Variants in GLIS3 observed in about 807,000 individuals in gnomAD.
GLIS3 encodes GLIS family zinc finger 3, also known as zinc finger protein GLIS3.
Under a neutral mutation model 78.6 loss-of-function variants are expected in GLIS3, and 53 were observed. That is an observed-to-expected ratio of 0.67 (90% confidence interval 0.54 to 0.85). The LOEUF (loss-of-function observed/expected upper bound fraction) is 0.85, where lower values mean the gene tolerates loss of function less well. Among genes scored for constraint, GLIS3 ranks in the 40% least tolerant of loss-of-function variants. The probability of loss-of-function intolerance (pLI) is 0.00; values close to 1 mark genes in which losing one functional copy is unlikely to be tolerated. For missense variants in GLIS3, 1,703 were observed against 1,231.1 expected, an observed-to-expected ratio of 1.38 and a Z score of -5.74; for synonymous variants, 684 against 509.9, an observed-to-expected ratio of 1.34 and a Z score of -4.60.
intron 2 of GLIS3, among the ~76,000 whole-genome samples, chr9:4,236,795 C>T (rs1822791861): frequency 6.6e-6 from 1 of 152,126 alleles, no homozygotes; most frequent in Non-Finnish European, 1.5e-5. Flanking sequence ...TTTTTAGGCC[C>T]CAAATCTATT....
At chr9:4,298,056 G>C (rs958046972) in intron 1 of GLIS3, among the ~76,000 whole-genome samples, 2 of 152,142 alleles carry the variant, frequency 1.3e-5, no homozygotes, top group African/African-American at 4.8e-5. Flanking sequence ...GCGAGCGAGG[G>C]AGCGAACGCA....
At chr9:4,185,148 C>A (rs1200964833) in intron 2 of GLIS3, among the ~76,000 whole-genome samples, 1 of 152,168 alleles carries the variant, frequency 6.6e-6, no homozygotes, top group Non-Finnish European at 1.5e-5. Context: ...GTCAACTTTC[C>A]GTCCCTATCA....
Position 4,286,322 on chromosome 9 carries a change from G to T in GLIS3, c.104C>A (p.Ser35Tyr), listed in dbSNP as rs1336771713. 1 of 1,613,208 alleles carries T rather than the reference G, an allele frequency of 6.2e-7. No homozygotes were observed. Among genetic ancestry groups the T allele is most frequent in the Admixed American group, 1.7e-5 (1 of 59,982 alleles). Reference protein sequence around the residue: ...GHHIPAIRAHSGTPGPSPCGS... With the variant: ...GHHIPAIRAHYGTPGPSPCGS... ...ACAGGGCGAGGGGCCAGGAGTCCCGGAGTGGGCTCGGATGGCAGGAATGTG... is the reference window on the plus strand; with the variant it reads ...ACAGGGCGAGGGGCCAGGAGTCCCGTAGTGGGCTCGGATGGCAGGAATGTG... Residue 35 changes from serine to tyrosine, a missense_variant, in exon 2 of 11, where the codon TCC becomes TAC. Physicochemically the swap from Ser to Tyr is moderately radical, Grantham distance 144 (BLOSUM62 -2). Transcript: ENST00000381971.
At chr9:4,341,744 TTC>T (rs1176005065) in intron 2 of GLIS3, among the ~76,000 whole-genome samples, 2 of 152,210 alleles carry the variant, frequency 1.3e-5, no homozygotes, top group African/African-American at 4.8e-5. Flanking sequence ...AAGCAATCAG[TTC>T]TAAGGAAAAT....
chr9:4,320,425 G>T (rs57182325), intron 2 of GLIS3, among the ~76,000 whole-genome samples: 1 of 152,020 alleles, frequency 6.6e-6, no homozygotes, highest in Admixed American at 6.5e-5. Flanking sequence ...TCCCCTTCCT[G>T]ACCCATCCCC....
intron 2 of GLIS3, among the ~76,000 whole-genome samples, chr9:4,152,887 T>C (rs530536691): frequency 8.5e-5 from 13 of 152,342 alleles, no homozygotes; most frequent in African/African-American, 2.6e-4. Context: ...TAAATGTTTC[T>C]GGAGGAGAAA....
intron 1 of GLIS3, among the ~76,000 whole-genome samples, chr9:4,290,863 G>C (rs1275546936): frequency 1.3e-5 from 2 of 152,112 alleles, no homozygotes; most frequent in Admixed American, 6.5e-5. Flanking sequence ...GGATATTATA[G>C]AGGAAATATA....
intron 1 of GLIS3, among the ~76,000 whole-genome samples, chr9:4,293,531 C>A (rs183771808): frequency 6.6e-6 from 1 of 152,340 alleles, no homozygotes; most frequent in Non-Finnish European, 1.5e-5. Context: ...GTGAATGACT[C>A]AGCCAAGTTA....
intron 2 of GLIS3, among the ~76,000 whole-genome samples, chr9:4,203,937 T>C (rs1034662834): frequency 6.6e-6 from 1 of 152,140 alleles, no homozygotes; most frequent in Middle Eastern, 3.2e-3. Flanking sequence ...ATGGCTACAA[T>C]AGAAACTGAA....
the GLIS3 span, among the ~76,000 whole-genome samples, chr9:4,420,059 C>G: frequency 1.3e-5 from 2 of 152,134 alleles, no homozygotes; most frequent in Non-Finnish European, 2.9e-5. Flanking sequence ...TGTCCTGAAG[C>G]CTGGCTGTTG....
intron 2 of GLIS3, among the ~76,000 whole-genome samples, chr9:4,237,029 C>T (rs940808844): frequency 6.6e-6 from 1 of 152,016 alleles, no homozygotes; most frequent in Non-Finnish European, 1.5e-5. Flanking sequence ...TGTGGCCACT[C>T]TTACTCTGCC....
intron 6 of GLIS3, among the ~76,000 whole-genome samples, chr9:3,899,522 T>TG (rs996075449): frequency 6.6e-6 from 1 of 151,062 alleles, no homozygotes; most frequent in Non-Finnish European, 1.5e-5. Flanking sequence ...GTAATTGAAA[T>TG]GGAAAAAAAA....
chr9:4,205,098 C>A (rs1383602108), intron 2 of GLIS3, among the ~76,000 whole-genome samples: 1 of 151,470 alleles, frequency 6.6e-6, no homozygotes, highest in Non-Finnish European at 1.5e-5. Flanking sequence ...ATTACTTGAA[C>A]CCAGGAGGTG....
rs114986939 is a variant in GLIS3 at position 4,073,517 on chromosome 9, C to A, written c.1710+44251G>T. ...GGCTTAGAGAGCTGGTAGACAGACA[C>A]TCAGGGTGGGACAGGTAGGCAAAGC... is the stretch of plus-strand genomic sequence containing the variant. On this transcript the variant is annotated intron_variant, in intron 4 of 10. Coordinates refer to ENST00000381971, the MANE Select transcript of GLIS3 (RefSeq NM_001042413.2). 8.7e-3 allele frequency among the ~76,000 whole-genome samples: 1,321 copies of A among 152,284 alleles called. 11 individuals are homozygous for A. Among genetic ancestry groups the A allele is most frequent in the Middle Eastern group, 0.034 (10 of 294 alleles).
chr9:4,117,165 G>A (rs969262995), intron 4 of GLIS3, among the ~76,000 whole-genome samples: 1 of 152,102 alleles, frequency 6.6e-6, no homozygotes, highest in African/African-American at 2.4e-5. Context: ...AATTAGTTAG[G>A]ATCCTGTGAG....
At chr9:4,197,148 T>G (rs1413655064) in intron 2 of GLIS3, among the ~76,000 whole-genome samples, 1 of 152,078 alleles carries the variant, frequency 6.6e-6, no homozygotes, top group African/African-American at 2.4e-5. Flanking sequence ...GCAGTGGGGC[T>G]CTCTGTGCTC....
intron 4 of GLIS3, among the ~76,000 whole-genome samples, chr9:4,049,759 C>A (rs1319429699): frequency 6.6e-6 from 1 of 152,006 alleles, no homozygotes; most frequent in Non-Finnish European, 1.5e-5. Flanking sequence ...AAGAAAAAAA[C>A]AAACAACCCC....
chr9:4,341,785 C>A (rs1365099590), intron 2 of GLIS3, among the ~76,000 whole-genome samples: 3 of 152,218 alleles, frequency 2.0e-5, no homozygotes, highest in Non-Finnish European at 4.4e-5. Flanking sequence ...GATCCCATGG[C>A]CAACAAATGG....
At chr9:4,316,992 C>A (rs1310824343) in intron 2 of GLIS3, among the ~76,000 whole-genome samples, 2 of 151,964 alleles carry the variant, frequency 1.3e-5, no homozygotes, top group Non-Finnish European at 2.9e-5. Context: ...TGTCTAAGAA[C>A]CTATTGACAA....
Sources: allele counts gnomAD v4.1 joint callset (sites outside exome capture counted in the v4.1 genomes callset), GRCh38; gene constraint gnomAD v4.1.1; transcripts MANE v1.5; gene names NCBI Gene and HGNC (gene_info 2026-07-23, HGNC 2026-07-21).